CACNA2D3: variants seen among roughly 807,000 people sequenced by gnomAD.
The protein encoded by CACNA2D3 is voltage-dependent calcium channel subunit alpha-2/delta-3.
In CACNA2D3, 60 loss-of-function variants were observed where a neutral mutation model predicts 160.6. That is an observed-to-expected ratio of 0.37 (90% confidence interval 0.30 to 0.46). The LOEUF (loss-of-function observed/expected upper bound fraction) is 0.46. Among genes scored for constraint, CACNA2D3 ranks in the 20% least tolerant of loss-of-function variants. CACNA2D3 has a pLI of 1.00. For missense variants in CACNA2D3, 1,205 were observed against 1,365.0 expected (o/e 0.88, Z 1.85); for synonymous variants, 558 against 492.9 (o/e 1.13, Z -1.75).
At chr3:54,806,157 C>G (rs1703116409) in intron 13 of CACNA2D3, among the ~76,000 whole-genome samples, 1 of 152,192 alleles carries the variant, frequency 6.6e-6, no homozygotes, top group African/African-American at 2.4e-5. Context: ...CAGAGATGCC[C>G]TCTCTCACCA....
chr3:54,199,629 T>G (rs752097265), intron 2 of CACNA2D3, among the ~76,000 whole-genome samples: 33 of 69,604 alleles, frequency 4.7e-4, no homozygotes, highest in African/African-American at 1.3e-3. Context: ...TGAGAGAATC[T>G]TAAGGGAGAA....
At chr3:54,322,943 A>G (rs565267826) in intron 3 of CACNA2D3, among the ~76,000 whole-genome samples, 1 of 152,358 alleles carries the variant, frequency 6.6e-6, no homozygotes, top group African/African-American at 2.4e-5. Flanking sequence ...TGTGTATTCT[A>G]TATATTTTAA....
chr3:54,867,528 T>TAAAA (rs10663088), intron 17 of CACNA2D3, among the ~76,000 whole-genome samples: 3,831 of 137,862 alleles, frequency 0.028, 132 homozygotes, highest in African/African-American at 0.071. Context: ...AAGCCAGCTT[T>TAAAA]AAAAAAAAAA....
chr3:54,292,375 C>G (rs571520865), intron 2 of CACNA2D3, among the ~76,000 whole-genome samples: 108 of 152,062 alleles, frequency 7.1e-4, no homozygotes, highest in Middle Eastern at 3.4e-3. Flanking sequence ...AGAACACTAT[C>G]AAGAAAGTGA....
intron 4 of CACNA2D3, among the ~76,000 whole-genome samples, chr3:54,449,508 G>T (rs763110099): frequency 6.6e-6 from 1 of 152,132 alleles, no homozygotes; most frequent in African/African-American, 2.4e-5. Flanking sequence ...CTGTGATATG[G>T]TTTGGATCTG....
chr3:54,402,747 C>G (rs1166157816), intron 4 of CACNA2D3, among the ~76,000 whole-genome samples: 3 of 152,236 alleles, frequency 2.0e-5, no homozygotes, highest in East Asian at 1.9e-4. Context: ...TAAGGAAATA[C>G]TGTAATTGAA....
At chr3:54,710,018 AC>A (rs1227319217) in intron 11 of CACNA2D3, among the ~76,000 whole-genome samples, 1 of 152,196 alleles carries the variant, frequency 6.6e-6, no homozygotes, top group Non-Finnish European at 1.5e-5. Flanking sequence ...ACACACGCAC[AC>A]AGGGAGAGAG....
chr3:54,521,865 T>G (rs1202409713), intron 5 of CACNA2D3, among the ~76,000 whole-genome samples: 1 of 152,208 alleles, frequency 6.6e-6, no homozygotes, highest in East Asian at 1.9e-4. Flanking sequence ...GAAAATCAGT[T>G]TACCATGGAC....
chr3:54,211,728 TG>T (rs1701375362), intron 2 of CACNA2D3, among the ~76,000 whole-genome samples: 1 of 152,242 alleles, frequency 6.6e-6, no homozygotes, highest in Non-Finnish European at 1.5e-5. Context: ...CTCTGTCGTT[TG>T]CTTCTTTACC....
intron 13 of CACNA2D3, among the ~76,000 whole-genome samples, chr3:54,775,968 G>T (rs1386060234): frequency 6.6e-6 from 1 of 152,088 alleles, no homozygotes; most frequent in African/African-American, 2.4e-5. Context: ...GCCATCCCCA[G>T]TCATCGGTGA....
At chr3:54,246,925 C>T (rs1702092600) in intron 2 of CACNA2D3, among the ~76,000 whole-genome samples, 1 of 152,070 alleles carries the variant, frequency 6.6e-6, no homozygotes, top group Admixed American at 6.6e-5. Flanking sequence ...TGTACAACAC[C>T]ACACAAAGAC....
intron 23 of CACNA2D3, among the ~76,000 whole-genome samples, chr3:54,886,144 A>C (rs1699919383): frequency 1.7e-5 from 1 of 58,152 alleles, no homozygotes; most frequent in Non-Finnish European, 3.1e-5. Context: ...CCTCAAAAGC[A>C]GGAACAGACC....
chr3:54,474,677 G>T (rs1176592716), intron 4 of CACNA2D3, among the ~76,000 whole-genome samples: 1 of 152,072 alleles, frequency 6.6e-6, no homozygotes, highest in Non-Finnish European at 1.5e-5. Context: ...ATAAGAGAAA[G>T]AAGGGGAAGA....
chr3:54,240,290 G>C (rs1050375804), intron 2 of CACNA2D3, among the ~76,000 whole-genome samples: 1 of 152,082 alleles, frequency 6.6e-6, no homozygotes, highest in African/African-American at 2.4e-5. Context: ...GATCCCATTC[G>C]TTGGTTTTTG....
At chr3:55,053,062 A>G (rs576111485) in intron 35 of CACNA2D3, among the ~76,000 whole-genome samples, 2 of 152,204 alleles carry the variant, frequency 1.3e-5, no homozygotes, top group Admixed American at 1.3e-4. Flanking sequence ...ACAAATGTCT[A>G]TATCCATGAA....
chr3:54,525,366 A>G (rs1014505014), intron 5 of CACNA2D3, among the ~76,000 whole-genome samples: 1 of 152,126 alleles, frequency 6.6e-6, no homozygotes, highest in African/African-American at 2.4e-5. Flanking sequence ...AGGTGAAGAC[A>G]TGGGCATTCA....
At chr3:54,722,263 G>C (rs1204892474) in intron 11 of CACNA2D3, among the ~76,000 whole-genome samples, 1 of 152,078 alleles carries the variant, frequency 6.6e-6, no homozygotes, top group Non-Finnish European at 1.5e-5. Flanking sequence ...ACCTCCATCA[G>C]GTCATTTATG....
At chr3:54,671,897 A>G (rs1310669043) in intron 11 of CACNA2D3, among the ~76,000 whole-genome samples, 1 of 152,192 alleles carries the variant, frequency 6.6e-6, no homozygotes, top group Admixed American at 6.5e-5. Context: ...GCCCCTGCAT[A>G]ATGAGAAAGT....
chr3:54,533,164 A>G (rs1439665566), intron 5 of CACNA2D3, among the ~76,000 whole-genome samples: 1 of 152,042 alleles, frequency 6.6e-6, no homozygotes, highest in Non-Finnish European at 1.5e-5. Flanking sequence ...AAAGCCACCT[A>G]GCCTCATTCC....
Sources: gnomAD v4.1 joint callset for allele counts (sites outside exome capture counted in the v4.1 genomes callset) on GRCh38, gnomAD v4.1.1 for gene constraint, MANE v1.5 for transcripts, NCBI Gene and HGNC (gene_info 2026-07-23, HGNC 2026-07-21) for gene names.